TGM4: variants seen among roughly 807,000 people sequenced by gnomAD.
TGM4 encodes the protein protein-glutamine gamma-glutamyltransferase 4.
In TGM4, 61 loss-of-function variants were observed where a neutral mutation model predicts 76.3. The ratio of observed to expected loss-of-function variants is 0.80; its 90% CI spans 0.65 to 0.99. The LOEUF (loss-of-function observed/expected upper bound fraction) is 0.99. Among genes scored for constraint, TGM4 ranks in the 50% least tolerant of loss-of-function variants. The probability of loss-of-function intolerance (pLI) is 0.00; values close to 1 mark genes in which losing one functional copy is unlikely to be tolerated. For synonymous variants in TGM4, 337 were observed against 329.8 expected (o/e 1.02, Z -0.24); for missense variants, 794 against 843.2 (o/e 0.94, Z 0.72).
intron 2 of TGM4, among the ~76,000 whole-genome samples, chr3:44,886,015 TCTTA>T (rs1328536894): frequency 4.6e-5 from 7 of 151,904 alleles, no homozygotes; most frequent in African/African-American, 9.7e-5. Flanking sequence ...TGGAGGAGGG[TCTTA>T]CTTCTTTAAT....
At chr3:44,887,848 CCT>C in intron 3 of TGM4, 53 bp downstream of exon 3, 1 of 1,525,210 alleles carries the variant, frequency 6.6e-7, no homozygotes, top group Non-Finnish European at 9.1e-7. Flanking sequence ...GCGGAATGCT[CCT>C]AATGTGAGCA....
intron 10 of TGM4, among the ~76,000 whole-genome samples, chr3:44,909,595 G>C (rs1026198249): frequency 1.3e-5 from 2 of 152,078 alleles, no homozygotes; most frequent in African/African-American, 4.8e-5. Context: ...AGCTTTTAGC[G>C]GAACTCCAAA....
rs771700305 is a variant in TGM4, at chr3:44,887,652, C to T, written c.194-37C>T. ...AGAGGAGATTGTCTTGGGGGTGGCC[C>T]ATGGCTGGGCCAATGTTTTCCTTTG... On this transcript the variant is annotated intron_variant, in intron 2 of 13. Coordinates refer to ENST00000296125, the MANE Select transcript of TGM4 (RefSeq NM_003241.4). 7 of 1,600,798 alleles carry T rather than the reference C, an allele frequency of 4.4e-6. No homozygotes were observed. In the Admixed American group the frequency reaches 5.0e-5, roughly 12 times the overall value.
Position 44,890,702 on chromosome 3 carries a change from C to A in TGM4, c.400C>A (p.Leu134Ile). The stretch of plus-strand genomic sequence containing the variant: ...CATCCTTAAGTCTGAAGAAAACATC[C>A]TATACCTTCTCTTCAACCCATGGTG... The part of the protein sequence containing the change: ...NHILKSEENI[L>I]YLLFNPWCKE... Residue 134 changes from leucine to isoleucine, a missense_variant, in exon 4 of 14, where the codon CTA becomes ATA. Leu to Ile is a conservative substitution (Grantham distance 5). Coordinates refer to ENST00000296125, the MANE Select transcript of TGM4 (RefSeq NM_003241.4). 6.2e-7 allele frequency: 1 copy of A among 1,614,170 alleles called. No homozygotes were observed. Among genetic ancestry groups the A allele is most frequent in the Non-Finnish European group, 8.5e-7 (1 of 1,180,004 alleles).
intron 5 of TGM4, among the ~76,000 whole-genome samples, chr3:44,895,384 T>G (rs1699766193): frequency 6.6e-6 from 1 of 152,178 alleles, no homozygotes; most frequent in Non-Finnish European, 1.5e-5. Flanking sequence ...CTCAGCACTT[T>G]GGGAGGCCAA....
intron 8 of TGM4, among the ~76,000 whole-genome samples, chr3:44,902,387 G>C (rs981569899): frequency 2.6e-5 from 4 of 152,162 alleles, no homozygotes; most frequent in African/African-American, 7.2e-5. Flanking sequence ...GGTGGATCAC[G>C]AGGTCAGGAG....
chr3:44,874,770 C>T, intron 1 of TGM4, 73 bp downstream of exon 1: 2 of 1,594,322 alleles, frequency 1.3e-6, no homozygotes, highest in South Asian at 1.1e-5. Flanking sequence ...TCTCTTGCCT[C>T]TGCCGGGTGC....
intron 10 of TGM4, among the ~76,000 whole-genome samples, chr3:44,909,407 C>A (rs1699969959): frequency 1.3e-5 from 2 of 152,178 alleles, no homozygotes; most frequent in South Asian, 4.1e-4. Context: ...TTCCTTATTG[C>A]CTTAGGAAAC....
intron 10 of TGM4, 41 bp downstream of exon 10, chr3:44,907,241 T>C: frequency 6.3e-7 from 1 of 1,598,990 alleles, no homozygotes; most frequent in Non-Finnish European, 8.5e-7. Context: ...AGCCCCTGAG[T>C]CACCCAGAAC....
chr3:44,897,244 T>G (rs980301367), intron 6 of TGM4, among the ~76,000 whole-genome samples: 5 of 151,998 alleles, frequency 3.3e-5, no homozygotes, highest in African/African-American at 1.2e-4. Flanking sequence ...GACCTCGTGA[T>G]CCACCCGCCT....
intron 10 of TGM4, 67 bp downstream of exon 10, chr3:44,907,267 A>G: frequency 6.9e-7 from 1 of 1,447,724 alleles, no homozygotes; most frequent in Non-Finnish European, 9.5e-7. Flanking sequence ...AATAGTCAAG[A>G]TTGGGGGTGG....
At chr3:44,893,797 C>T (rs1699737149) in intron 5 of TGM4, 102 bp downstream of exon 5, 1 of 1,102,586 alleles carries the variant, frequency 9.1e-7, no homozygotes. Flanking sequence ...GGTTGTGAAC[C>T]TCGGGTCAAA....
chr3:44,907,307 TACC>T, intron 10 of TGM4, 107 bp downstream of exon 10: 1 of 618,378 alleles, frequency 1.6e-6, no homozygotes, highest in Non-Finnish European at 2.2e-6. Context: ...ACCCCATCCC[TACC>T]AAAAAAAAAA....
intron 9 of TGM4, among the ~76,000 whole-genome samples, chr3:44,906,739 A>G (rs940785667): frequency 1.3e-5 from 2 of 152,216 alleles, no homozygotes; most frequent in Non-Finnish European, 2.9e-5. Flanking sequence ...ACTGGGACAG[A>G]GGATTCCTGA....
rs768234069 is a variant in TGM4, at chr3:44,901,634, C to T, written c.768C>T (p.Tyr256=). Residue 256 remains tyrosine (Y), a synonymous_variant, in exon 7 of 14, where the codon TAC becomes TAT. Transcript: ENST00000296125. ...GCAGTGCCCCGATCCTGCAGCAGTACTACAACACGAAGCAGGCTGTGTGCT... is the reference window on the plus strand; with the variant it reads ...GCAGTGCCCCGATCCTGCAGCAGTATTACAACACGAAGCAGGCTGTGTGCT... ...WTGSAPILQQ[Y]YNTKQAVCFG... is the part of the protein sequence containing the mutation. 6.2e-7 allele frequency: 1 copy of T among 1,614,218 alleles called. No homozygotes were observed. Among genetic ancestry groups the T allele is most frequent in the East Asian group, 2.2e-5 (1 of 44,884 alleles).
At position 44,893,513 on chromosome 3, in the gene TGM4, T is replaced by C. The variant is rs367946763; in HGVS notation, c.431-64T>C. The C allele has an allele frequency of 1.5e-4, 221 of 1,428,096 alleles. 1 individual carries two copies. In the East Asian group the frequency reaches 4.1e-3, roughly 26 times the overall value. The allele number at this position is 1,428,096 out of a possible 1,614,324, so 88.5% of individuals were successfully genotyped here. On this transcript the variant is annotated intron_variant, in intron 4 of 13. Transcript: ENST00000296125. Reference sequence around the variant, plus strand: ...TCTCCCCCAGCACAGACAGTCCCCATTGGCAAGCCTGCTCCTGTCCCAGGG... The same window carrying C: ...TCTCCCCCAGCACAGACAGTCCCCACTGGCAAGCCTGCTCCTGTCCCAGGG...
chr3:44,901,907 C>T lies in TGM4; in HGVS notation c.947C>T (p.Thr316Ile). ...TYVNENGEKI[T>I]SMTHDSVWNF... ...GTGAATGAGAATGGCGAGAAAATCA[C>T]CAGTATGACCCACGACTCTGTCTGG... Residue 316 changes from threonine (T) to isoleucine (I), a missense_variant, in exon 8 of 14, where the codon ACC (threonine) becomes ATC (isoleucine). Physicochemically the swap from Thr to Ile is moderately conservative, Grantham distance 89. Transcript: ENST00000296125. The T allele has an allele frequency of 6.2e-7, 1 of 1,613,230 alleles. No individual in the cohort carries two copies. The highest frequency in any genetic ancestry group is 8.5e-7 in the Non-Finnish European group (1 of 1,179,550).
At chr3:44,890,505 T>A (rs1164965799) in intron 3 of TGM4, 98 bp from the exon 4 acceptor site, 2 of 1,512,120 alleles carry the variant, frequency 1.3e-6, no homozygotes, top group East Asian at 4.5e-5. Flanking sequence ...CCAGATGGGA[T>A]GAGTTGTTAG....
intron 6 of TGM4, 73 bp from the exon 7 acceptor site, chr3:44,901,451 T>TGGCCAAGCTGGGC (rs1420476798): frequency 2.7e-6 from 4 of 1,496,052 alleles, no homozygotes; most frequent in Non-Finnish European, 2.7e-6. Context: ...GGGGGCTGGG[T>TGGCCAAGCTGGGC]GGCCAAGCTG....
Sources: gnomAD v4.1 joint callset for allele counts (sites outside exome capture counted in the v4.1 genomes callset) on GRCh38, gnomAD v4.1.1 for gene constraint, MANE v1.5 for transcripts, NCBI Gene and HGNC (gene_info 2026-07-23, HGNC 2026-07-21) for gene names.